Variants in B3GALT1 observed in about 807,000 individuals in gnomAD.
B3GALT1 encodes the protein UDP-Gal:betaGlcNAc beta 1,3-galactosyltransferase, polypeptide 1.
In B3GALT1, 10 loss-of-function variants were observed where a neutral mutation model predicts 23.2. That is an observed-to-expected ratio of 0.43 (90% CI 0.27 to 0.73). The LOEUF is 0.73. Ranked by LOEUF, B3GALT1 falls within the 30% of genes least tolerant of loss-of-function variation. B3GALT1 has a pLI of 0.21. For missense variants in B3GALT1, 299 were observed against 405.4 expected, an observed-to-expected ratio of 0.74 and a Z score of 2.25; for synonymous variants, 156 against 141.5, an observed-to-expected ratio of 1.10 and a Z score of -0.73.
intron 2 of B3GALT1, among the ~76,000 whole-genome samples, chr2:167,540,341 T>G (rs1683515191): frequency 6.6e-6 from 1 of 152,152 alleles, no homozygotes; most frequent in Admixed American, 6.5e-5. Context: ...CTGGAGCTTG[T>G]TGGAGACAGG....
In B3GALT1 at chr2:167,872,046, C is replaced by A. The variant is rs1036906889; in HGVS notation, c.*2026C>A. ...CCTCCCGAGTAGCTGGGACTACAGG[C>A]GCCCGCCATCACGCCCGGCTAATTT... On this transcript the variant is annotated 3_prime_UTR_variant, in exon 5 of 5. Coordinates refer to ENST00000392690, the MANE Select transcript of B3GALT1 (RefSeq NM_020981.4). 2.0e-5 allele frequency: 3 copies of A among 151,100 alleles called. No individual in the cohort carries two copies. Among genetic ancestry groups the A allele is most frequent in the African/African-American group, 7.3e-5 (3 of 41,156 alleles). The allele number at this position is 151,100 out of a possible 1,614,324, so 9.4% of individuals were successfully genotyped here. A position where few individuals can be genotyped will look rare whatever the true frequency, so the allele number is the denominator to read the frequency against.
chr2:167,335,855 T>G (rs1233100677), intron 1 of B3GALT1, among the ~76,000 whole-genome samples: 2 of 152,108 alleles, frequency 1.3e-5, no homozygotes, highest in Admixed American at 6.5e-5. Context: ...TTAGAATGAC[T>G]AACTTCCTAG....
intron 1 of B3GALT1, among the ~76,000 whole-genome samples, chr2:167,324,048 T>C (rs1246075120): frequency 2.0e-5 from 3 of 152,034 alleles, no homozygotes; most frequent in Non-Finnish European, 4.4e-5. Flanking sequence ...GGCTTGGTGC[T>C]GTGGGCTCAC....
intron 2 of B3GALT1, among the ~76,000 whole-genome samples, chr2:167,557,185 T>C (rs1030673338): frequency 6.6e-6 from 1 of 152,154 alleles, no homozygotes; most frequent in African/African-American, 2.4e-5. Context: ...AAGTAAATTA[T>C]TAAGTGACTT....
rs117583941 is a variant in B3GALT1 at position 167,366,885 on chromosome 2, G to C, written c.-511+73551G>C. On this transcript the variant is annotated intron_variant, in intron 1 of 4. Coordinates refer to ENST00000392690, the MANE Select transcript of B3GALT1 (RefSeq NM_020981.4). ...TGAGACTCAGGGCAGTTGGACTTCTGACAGGGCAACTGGCTTCCTCTAGAG... is the reference window on the plus strand; with the variant it reads ...TGAGACTCAGGGCAGTTGGACTTCTCACAGGGCAACTGGCTTCCTCTAGAG... Among the ~76,000 whole-genome samples the C allele has an allele frequency of 7.2e-4, 109 of 152,326 alleles. 1 individual carries two copies. The East Asian group carries it at 0.017, about 24-fold the overall frequency.
In B3GALT1 at chr2:167,727,553, C is replaced by G. The variant is rs1465128263; in HGVS notation, c.-352+80587C>G. Among the ~76,000 whole-genome samples, 3 of 152,190 alleles carry G rather than the reference C, an allele frequency of 2.0e-5. No individual in the cohort carries two copies. The East Asian group carries it at 5.8e-4, about 29-fold the overall frequency. ...ACCACATTCCAGCATACCTCAAAATCTCAACCCATTACTGCATCAATTTAA... is the reference window on the plus strand; with the variant it reads ...ACCACATTCCAGCATACCTCAAAATGTCAACCCATTACTGCATCAATTTAA... On this transcript the variant is annotated intron_variant, in intron 3 of 4. Coordinates refer to ENST00000392690, the MANE Select transcript of B3GALT1 (RefSeq NM_020981.4).
chr2:167,295,182 A>AT (rs1300537776), intron 1 of B3GALT1, among the ~76,000 whole-genome samples: 6 of 152,272 alleles, frequency 3.9e-5, no homozygotes, highest in East Asian at 3.9e-4. Context: ...CTGTAAATGG[A>AT]TTTTTTTATT....
At chr2:167,435,954 A>ACACACACACAC (rs1698777313) in intron 1 of B3GALT1, among the ~76,000 whole-genome samples, 1 of 139,220 alleles carries the variant, frequency 7.2e-6, no homozygotes, top group Non-Finnish European at 1.6e-5. Context: ...CACACACACA[A>ACACACACACAC]ACACACACAC....
At chr2:167,594,133 G>T (rs755424991) in intron 2 of B3GALT1, among the ~76,000 whole-genome samples, 36 of 152,140 alleles carry the variant, frequency 2.4e-4, no homozygotes, top group Non-Finnish European at 4.8e-4. Context: ...GAAGAATAGG[G>T]TGCAATATAT....
intron 3 of B3GALT1, among the ~76,000 whole-genome samples, chr2:167,750,777 T>C (rs1375952129): frequency 6.8e-6 from 1 of 146,944 alleles, no homozygotes; most frequent in African/African-American, 2.5e-5. Flanking sequence ...CAGGTAACAC[T>C]CAGGGATCTT....
chr2:167,549,465 CAAG>C (rs1683707276), intron 2 of B3GALT1, among the ~76,000 whole-genome samples: 1 of 152,204 alleles, frequency 6.6e-6, no homozygotes, highest in African/African-American at 2.4e-5. Flanking sequence ...TTCCTGACAA[CAAG>C]AAGCTTCCCA....
chr2:167,623,528 C>T (rs1225772926), intron 2 of B3GALT1, among the ~76,000 whole-genome samples: 19 of 152,050 alleles, frequency 1.2e-4, no homozygotes, highest in Admixed American at 1.2e-3. Flanking sequence ...CGCATATTCT[C>T]ACCCATAAGT....
At chr2:167,299,907 CTTTA>C (rs1383548663) in intron 1 of B3GALT1, among the ~76,000 whole-genome samples, 3 of 150,334 alleles carry the variant, frequency 2.0e-5, no homozygotes, top group Non-Finnish European at 4.4e-5. Context: ...TTATTTATTT[CTTTA>C]TTTATTTTGA....
At chr2:167,390,070 A>C (rs985527095) in intron 1 of B3GALT1, among the ~76,000 whole-genome samples, 1 of 152,112 alleles carries the variant, frequency 6.6e-6, no homozygotes, top group South Asian at 2.1e-4. Context: ...TCATGGAGGA[A>C]AGAGGAGAAA....
At chr2:167,714,064 A>C in intron 3 of B3GALT1, 1 of 1,535,350 alleles carries the variant, frequency 6.5e-7, no homozygotes, top group South Asian at 1.1e-5. Flanking sequence ...GACCAGGATC[A>C]TCTTTGGCAT....
chr2:167,412,111 A>G (rs998839317), intron 1 of B3GALT1, among the ~76,000 whole-genome samples: 2 of 108,130 alleles, frequency 1.8e-5, no homozygotes, highest in African/African-American at 6.4e-5. Context: ...ACAAAAAGGT[A>G]ATTAAATGGC....
At position 167,512,553 on chromosome 2, in the gene B3GALT1, T is replaced by C. The variant is rs1558887601; in HGVS notation, c.-410+22276T>C. 3.8e-3 allele frequency among the ~76,000 whole-genome samples: 348 copies of C among 91,074 alleles called. 4 individuals carry two copies. The highest frequency in any genetic ancestry group is 0.02 in the African/African-American group (334 of 16,416). 59.7% of individuals were successfully genotyped at this position (91,074 alleles called of 152,430 possible). ...GTGTGTGTATATATATATGTATATATATGTATATATATATGTATATATATA... is the reference window on the plus strand; with the variant it reads ...GTGTGTGTATATATATATGTATATACATGTATATATATATGTATATATATA... On this transcript the variant is annotated intron_variant, in intron 2 of 4. Coordinates refer to ENST00000392690, the MANE Select transcript of B3GALT1 (RefSeq NM_020981.4).
At chr2:167,665,928 A>T (rs181315431) in intron 3 of B3GALT1, among the ~76,000 whole-genome samples, 2 of 152,058 alleles carry the variant, frequency 1.3e-5, no homozygotes, top group Admixed American at 6.6e-5. Flanking sequence ...TGGATTCATT[A>T]ATTTTTTGAA....
intron 4 of B3GALT1, among the ~76,000 whole-genome samples, chr2:167,854,514 T>C (rs988884054): frequency 6.6e-5 from 10 of 152,198 alleles, no homozygotes; most frequent in Non-Finnish European, 1.3e-4. Flanking sequence ...AATTCTATCA[T>C]AGCTGCTTCA....
Sources: allele counts gnomAD v4.1 joint callset (sites outside exome capture counted in the v4.1 genomes callset), GRCh38; gene constraint gnomAD v4.1.1; transcripts MANE v1.5; gene names NCBI Gene and HGNC (gene_info 2026-07-23, HGNC 2026-07-21).